The following NTM variants were observed in gnomAD, a reference collection of about 807,000 sequenced individuals.
NTM encodes the protein IgLON family member 2.
NTM carries 13 observed loss-of-function variants against 42.1 expected under a neutral mutation model. The observed-to-expected ratio is 0.31, with a 90% CI of 0.20 to 0.49. The LOEUF is 0.49. Among genes scored for constraint, NTM ranks in the 20% least tolerant of loss-of-function variants. NTM has a pLI of 0.99. For missense variants in NTM, 373 were observed against 452.8 expected (o/e 0.82, Z 1.60); for synonymous variants, 187 against 179.2 (o/e 1.04, Z -0.35).
At chr11:131,636,167 C>A (rs2064348631) in intron 1 of NTM, among the ~76,000 whole-genome samples, 1 of 152,154 alleles carries the variant, frequency 6.6e-6, no homozygotes, top group Non-Finnish European at 1.5e-5. Context: ...GTAGGAGAAT[C>A]AGAAGGAGAC....
At chr11:131,769,062 C>T (rs549796532) in intron 1 of NTM, among the ~76,000 whole-genome samples, 20 of 152,282 alleles carry the variant, frequency 1.3e-4, no homozygotes, top group African/African-American at 4.6e-4. Context: ...CCTGAATTAC[C>T]ATCAAGTATG....
intron 1 of NTM, chr11:131,671,475 T>C (rs955541599): frequency 1.0e-6 from 1 of 985,202 alleles, no homozygotes; most frequent in Non-Finnish European, 1.2e-6. Flanking sequence ...GAGAATGTGG[T>C]TGAATCAGTG....
chr11:131,788,966 G>C (rs2089719002), intron 1 of NTM, among the ~76,000 whole-genome samples: 1 of 152,090 alleles, frequency 6.6e-6, no homozygotes, highest in African/African-American at 2.4e-5. Context: ...CTCTGTTCTG[G>C]CTCATTACCC....
At position 131,725,645 on chromosome 11, in the gene NTM, G is replaced by A. The variant is rs557198225; in HGVS notation, c.83-185919G>A. 2.6e-4 allele frequency among the ~76,000 whole-genome samples: 39 copies of A among 152,310 alleles called. No homozygotes were observed. The South Asian group carries it at 7.5e-3, about 29-fold the overall frequency. On this transcript the variant is annotated intron_variant, in intron 1 of 8. Coordinates refer to ENST00000683400, the MANE Select transcript of NTM (RefSeq NM_001352005.2). The stretch of plus-strand genomic sequence containing the variant: ...TGGAGGGGAGTAAGAGGAAGGGACA[G>A]TGAGGGCCACTGGGTCAGAGAGGAA...
intron 1 of NTM, among the ~76,000 whole-genome samples, chr11:131,730,721 A>AAAAAAAAAAAAAAAAAAAG (rs113412896): frequency 1.0e-4 from 14 of 134,384 alleles, no homozygotes; most frequent in South Asian, 2.5e-4. Context: ...CTATCTGTTA[A>AAAAAAAAAAAAAAAAAAAG]AAGAAGAAGA....
intron 1 of NTM, among the ~76,000 whole-genome samples, chr11:131,742,909 A>G (rs1298981510): frequency 6.6e-6 from 1 of 152,222 alleles, no homozygotes. Context: ...ACGCTTGTCT[A>G]CTGAGGAGAT....
intron 2 of NTM, among the ~76,000 whole-genome samples, chr11:132,095,718 T>G (rs749680018): frequency 6.6e-6 from 1 of 152,180 alleles, no homozygotes; most frequent in East Asian, 1.9e-4. Context: ...TGTGTGCTAC[T>G]TCCAGACTTT....
intron 1 of NTM, among the ~76,000 whole-genome samples, chr11:131,525,278 C>A (rs561927103): frequency 1.8e-4 from 28 of 152,274 alleles, no homozygotes; most frequent in Admixed American, 8.5e-4. Context: ...GGTGCTGACC[C>A]CGGTGCCCAT....
Position 131,820,712 on chromosome 11 carries a change from T to A in NTM, c.83-90852T>A, listed in dbSNP as rs530580050. Reference sequence around the variant, plus strand: ...GCAATACAAAGGATTGGCACTTTTTTAAACTTATAAAGATATTAAATACCA... The same window carrying A: ...GCAATACAAAGGATTGGCACTTTTTAAAACTTATAAAGATATTAAATACCA... On this transcript the variant is annotated intron_variant, in intron 1 of 8. Transcript: ENST00000683400. Among the ~76,000 whole-genome samples the A allele has an allele frequency of 1.8e-4, 28 of 152,330 alleles. 1 individual carries two copies. The South Asian group carries it at 5.8e-3, about 32-fold the overall frequency.
chr11:131,407,485 G>A (rs1945923045), intron 1 of NTM, among the ~76,000 whole-genome samples: 1 of 152,202 alleles, frequency 6.6e-6, no homozygotes, highest in African/African-American at 2.4e-5. Flanking sequence ...GGTGGGACAT[G>A]CAGAACATAT....
At chr11:132,028,164 C>T (rs1274904274) in intron 2 of NTM, among the ~76,000 whole-genome samples, 1 of 151,042 alleles carries the variant, frequency 6.6e-6, no homozygotes, top group Non-Finnish European at 1.5e-5. Flanking sequence ...TTCATAGTTA[C>T]TTTAAATCCT....
rs538699814 is a variant in NTM, at chr11:132,038,916, T to A, written c.168-107366T>A. On this transcript the variant is annotated intron_variant, in intron 2 of 8. Coordinates refer to ENST00000683400, the MANE Select transcript of NTM (RefSeq NM_001352005.2). ...ACCTCCACAATGCTCTACTTAGACC[T>A]CTGCTCTTCCATTTCCCAACATGCT... Among the ~76,000 whole-genome samples the A allele has an allele frequency of 5.9e-5, 9 of 152,330 alleles. No individual in the cohort carries two copies. In the East Asian group the frequency reaches 1.5e-3, roughly 26 times the overall value.
chr11:132,075,789 T>A lies in NTM; in HGVS notation c.168-70493T>A, dbSNP rs151194504. ...CTTTTCTCTCCCTACCATTCCACTC[T>A]AAATTTCTGAAGAAAATGTGAAACA... On this transcript the variant is annotated intron_variant, in intron 2 of 8. Transcript: ENST00000683400. Among the ~76,000 whole-genome samples the A allele has an allele frequency of 3.6e-3, 542 of 152,328 alleles. 3 individuals carry two copies. Among genetic ancestry groups the A allele is most frequent in the African/African-American group, 0.012 (517 of 41,584 alleles).
chr11:131,484,767 C>G (rs1416871471), intron 1 of NTM, among the ~76,000 whole-genome samples: 1 of 152,166 alleles, frequency 6.6e-6, no homozygotes, highest in African/African-American at 2.4e-5. Context: ...TCATTCACTC[C>G]TCATTCGTGC....
intron 1 of NTM, among the ~76,000 whole-genome samples, chr11:131,393,094 A>T (rs1944205061): frequency 6.6e-6 from 1 of 152,144 alleles, no homozygotes; most frequent in African/African-American, 2.4e-5. Context: ...GGGCTTATTC[A>T]GACGGGCTCT....
At chr11:131,789,490 G>GGAAGA in intron 1 of NTM, among the ~76,000 whole-genome samples, 1 of 4,844 alleles carries the variant, frequency 2.1e-4, no homozygotes, top group Non-Finnish European at 4.0e-4. Flanking sequence ...AGAAGAAGAA[G>GGAAGA]AGGAAAGAAG....
intron 1 of NTM, among the ~76,000 whole-genome samples, chr11:131,542,655 C>G (rs2053432254): frequency 6.6e-6 from 1 of 152,172 alleles, no homozygotes; most frequent in African/African-American, 2.4e-5. Context: ...CTCTACTTCT[C>G]ACAATCCCCC....
intron 3 of NTM, among the ~76,000 whole-genome samples, chr11:132,202,281 C>T (rs1051299541): frequency 6.6e-6 from 1 of 152,154 alleles, no homozygotes; most frequent in African/African-American, 2.4e-5. Flanking sequence ...TGAGGATTTA[C>T]AAGGGAGCAG....
intron 1 of NTM, chr11:131,536,948 C>T (rs2052338851): frequency 6.6e-6 from 1 of 152,094 alleles, no homozygotes; most frequent in Admixed American, 6.5e-5. Flanking sequence ...GAGTGGCATC[C>T]CTCTGCCCAG....
Sources: gnomAD v4.1 joint callset for allele counts (sites outside exome capture counted in the v4.1 genomes callset) on GRCh38, gnomAD v4.1.1 for gene constraint, MANE v1.5 for transcripts, NCBI Gene and HGNC (gene_info 2026-07-23, HGNC 2026-07-21) for gene names.